The following DCC variants were observed in gnomAD, a reference collection of about 807,000 sequenced individuals.
The protein encoded by DCC is netrin receptor DCC.
Under a neutral mutation model 172.5 loss-of-function variants are expected in DCC, and 58 were observed. The observed-to-expected ratio is 0.34, with a 90% CI of 0.27 to 0.42. The LOEUF is 0.42. DCC is among the 10% of genes least tolerant of loss of function. DCC has a pLI of 1.00. For missense variants in DCC, 1,740 were observed against 1,791.0 expected, an observed-to-expected ratio of 0.97 and a Z score of 0.51; for synonymous variants, 709 against 644.5, an observed-to-expected ratio of 1.10 and a Z score of -1.52.
intron 28 of DCC, 89 bp from the exon 29 acceptor site, chr18:53,530,475 G>A (rs370002394): frequency 2.2e-5 from 18 of 806,378 alleles, no homozygotes; most frequent in African/African-American, 1.0e-4. Context: ...TTGGGAATAC[G>A]TAGCACCCCA....
chr18:53,497,744 C>T (rs2046042837), intron 26 of DCC, among the ~76,000 whole-genome samples: 3 of 152,224 alleles, frequency 2.0e-5, no homozygotes, highest in Admixed American at 2.0e-4. Flanking sequence ...TGAAAGCCAA[C>T]ATCACCAAGG....
chr18:52,634,935 C>T (rs1313007429), intron 1 of DCC, among the ~76,000 whole-genome samples: 1 of 152,148 alleles, frequency 6.6e-6, no homozygotes, highest in Non-Finnish European at 1.5e-5. Context: ...CAGTTCTCCA[C>T]TGAAGTGTAA....
chr18:53,525,179 T>C (rs1011849502), intron 27 of DCC, among the ~76,000 whole-genome samples: 1 of 152,040 alleles, frequency 6.6e-6, no homozygotes, highest in Non-Finnish European at 1.5e-5. Flanking sequence ...ACAGGTTCAG[T>C]TGACAAGAAA....
chr18:52,591,082 GA>G (rs2033789506), intron 1 of DCC, among the ~76,000 whole-genome samples: 1 of 151,994 alleles, frequency 6.6e-6, no homozygotes, highest in East Asian at 1.9e-4. Flanking sequence ...TTTATTTATG[GA>G]AAATGTCTAC....
chr18:53,045,271 G>C (rs2042222010), intron 5 of DCC, among the ~76,000 whole-genome samples: 1 of 151,840 alleles, frequency 6.6e-6, no homozygotes, highest in South Asian at 2.1e-4. Context: ...CCTTTCCAAT[G>C]AGATTTTAAG....
chr18:53,116,682 G>A (rs1225859202), intron 7 of DCC, among the ~76,000 whole-genome samples: 1 of 151,606 alleles, frequency 6.6e-6, no homozygotes, highest in African/African-American at 2.4e-5. Context: ...TAGCAAAGGA[G>A]GTTGCTTTAA....
At chr18:52,355,429 T>G (rs1984318565) in intron 1 of DCC, among the ~76,000 whole-genome samples, 1 of 152,156 alleles carries the variant, frequency 6.6e-6, no homozygotes, top group Non-Finnish European at 1.5e-5. Context: ...TCTACCAAGA[T>G]GTAGCTGTGT....
chr18:53,437,771 G>GCCAAAAA (rs1486983029), intron 22 of DCC, among the ~76,000 whole-genome samples: 2 of 151,982 alleles, frequency 1.3e-5, no homozygotes, highest in African/African-American at 4.8e-5. Context: ...TCAACAATAA[G>GCCAAAAA]CCAAAAACAT....
chr18:52,359,198 T>C (rs1458896576), intron 1 of DCC, among the ~76,000 whole-genome samples: 6 of 152,192 alleles, frequency 3.9e-5, no homozygotes, highest in Admixed American at 3.9e-4. Context: ...CAGAGAGATG[T>C]CTGTATTTTT....
chr18:53,219,520 T>A (rs1298062914), intron 12 of DCC, among the ~76,000 whole-genome samples: 1 of 152,136 alleles, frequency 6.6e-6, no homozygotes, highest in African/African-American at 2.4e-5. Context: ...AATTTTTAAA[T>A]GCAAATTGAT....
At position 52,943,240 on chromosome 18, in the gene DCC, G is replaced by A. The variant is rs141339568; in HGVS notation, c.985+17870G>A. ...GAAAGGCTGATAGAGAATTTAGAAT[G>A]CCATTATTTCTGCTGCCTCTTTCTC... is the stretch of plus-strand genomic sequence containing the variant. On this transcript the variant is annotated intron_variant, in intron 5 of 28. Transcript: ENST00000442544. Among the ~76,000 whole-genome samples the A allele has an allele frequency of 7.6e-3, 1,150 of 152,254 alleles. 13 individuals are homozygous for A. The highest frequency in any genetic ancestry group is 0.01 in the Non-Finnish European group (690 of 68,014).
chr18:53,416,243 C>A, intron 21 of DCC, 87 bp downstream of exon 21: 1 of 928,110 alleles, frequency 1.1e-6, no homozygotes, highest in Non-Finnish European at 1.8e-6. Context: ...TTCCTCTTTT[C>A]ACCTGGACCA....
At chr18:53,073,373 AAGTT>A (rs1406812903) in intron 7 of DCC, among the ~76,000 whole-genome samples, 2 of 152,122 alleles carry the variant, frequency 1.3e-5, no homozygotes, top group African/African-American at 2.4e-5. Flanking sequence ...AAAATACAAA[AAGTT>A]AGCCGGGCGT....
At chr18:52,607,838 G>A (rs1221678996) in intron 1 of DCC, among the ~76,000 whole-genome samples, 1 of 152,120 alleles carries the variant, frequency 6.6e-6, no homozygotes, top group Non-Finnish European at 1.5e-5. Flanking sequence ...GATGATTAGA[G>A]ATCTGGGCTT....
rs559158520 is a variant in DCC, at chr18:53,402,844, C to T, written c.2886C>T (p.Ala962=). The T allele has an allele frequency of 3.1e-6, 5 of 1,614,076 alleles. No homozygotes were observed. The highest frequency in any genetic ancestry group is 2.2e-5 in the East Asian group (1 of 44,874). The change falls in exon 19 of 29, where the codon GCC becomes GCT. Residue 962 remains alanine (A), a synonymous_variant. Transcript: ENST00000442544. ...TVITREGKPR[A]VIVSWQPPLE... is the part of the protein sequence containing the mutation. ...TTACTAGGGAAGGGAAGCCTCGTGCCGTCATTGTGAGTTGGCAGCCTCCCT... is the reference window on the plus strand; with the variant it reads ...TTACTAGGGAAGGGAAGCCTCGTGCTGTCATTGTGAGTTGGCAGCCTCCCT...
intron 27 of DCC, among the ~76,000 whole-genome samples, chr18:53,519,526 G>C (rs2046376052): frequency 7.1e-6 from 1 of 140,456 alleles, no homozygotes; most frequent in South Asian, 2.4e-4. Flanking sequence ...CCAAAATGAA[G>C]TGTTTTTTTT....
In DCC at chr18:53,263,235, T is replaced by C. The variant is rs1316172027; in HGVS notation, c.1912-42343T>C. 3.3e-5 allele frequency among the ~76,000 whole-genome samples: 5 copies of C among 152,310 alleles called. No individual in the cohort carries two copies. The East Asian group carries it at 7.7e-4, about 24-fold the overall frequency. On this transcript the variant is annotated intron_variant, in intron 12 of 28. Coordinates refer to ENST00000442544, the MANE Select transcript of DCC (RefSeq NM_005215.4). ...GGTGTGATCTCAGCTCACTGCAGCC[T>C]CCGCCTCTGGGGTTCAAGCGATTCT...
chr18:52,427,291 A>G (rs1335790223), intron 1 of DCC, among the ~76,000 whole-genome samples: 2 of 152,136 alleles, frequency 1.3e-5, no homozygotes, highest in African/African-American at 4.8e-5. Flanking sequence ...GTTCGTTAAG[A>G]TCAATATATC....
chr18:53,527,090 CGTGTGTGTGTGTGTGTGTGT>C (rs200516080), intron 28 of DCC: 190 of 204,802 alleles, frequency 9.3e-4, no homozygotes, highest in Non-Finnish European at 1.6e-3. Flanking sequence ...CACATGGATA[CGTGTGTGTGTGTGTGTGTGT>C]GTGTGTGTGT....
Sources: allele counts gnomAD v4.1 joint callset (sites outside exome capture counted in the v4.1 genomes callset), GRCh38; gene constraint gnomAD v4.1.1; transcripts MANE v1.5; gene names NCBI Gene and HGNC (gene_info 2026-07-23, HGNC 2026-07-21).